The following GRAMD1B variants were observed in gnomAD, a reference collection of about 807,000 sequenced individuals.
GRAMD1B encodes the protein GRAM domain containing 1B.
Under a neutral mutation model 99.7 loss-of-function variants are expected in GRAMD1B, and 37 were observed. The observed-to-expected ratio is 0.37, with a 90% CI of 0.29 to 0.49. The LOEUF (loss-of-function observed/expected upper bound fraction) is 0.49, where lower values mean the gene tolerates loss of function less well. GRAMD1B is among the 20% of genes least tolerant of loss of function. The pLI is 0.98. For missense variants in GRAMD1B, 888 were observed against 1,009.2 expected (o/e 0.88, Z 1.63); for synonymous variants, 427 against 387.6 (o/e 1.10, Z -1.19).
In GRAMD1B at chr11:123,610,312, T is replaced by A; in HGVS notation, c.1893T>A (p.Arg631=). Residue 631 remains arginine, a synonymous_variant, in exon 14 of 20, where the codon CGT becomes CGA. Transcript: ENST00000635736. The surrounding 1 kb of genome is among the most constrained non-coding windows in gnomAD (Gnocchi z 4.1). ...CAATCAATCGCTACACGCTCACCCG[T>A]GTGGCTCGGAACAAGAGCCGACTCA... ...FYTINRYTLT[R]VARNKSRLRV... 6.2e-7 allele frequency: 1 copy of A among 1,614,002 alleles called. No individual in the cohort carries two copies.
chr11:123,443,086 T>G (rs907138582), intron 1 of GRAMD1B, among the ~76,000 whole-genome samples: 2 of 152,182 alleles, frequency 1.3e-5, no homozygotes, highest in African/African-American at 4.8e-5. Context: ...ATCCTGTGAC[T>G]AAGAATGCCT....
chr11:123,360,968 C>G (rs1946128752), intron 1 of GRAMD1B, among the ~76,000 whole-genome samples: 1 of 152,088 alleles, frequency 6.6e-6, no homozygotes, highest in Non-Finnish European at 1.5e-5. Context: ...AGGCGCCCAC[C>G]ACCATGCTCA....
At chr11:123,498,948 T>C (rs1939584271) in intron 2 of GRAMD1B, among the ~76,000 whole-genome samples, 2 of 152,088 alleles carry the variant, frequency 1.3e-5, no homozygotes, top group South Asian at 4.1e-4. Flanking sequence ...TAAATAAAAG[T>C]GCAAAATAAA....
intron 2 of GRAMD1B, among the ~76,000 whole-genome samples, chr11:123,499,215 A>C (rs912584600): frequency 2.6e-5 from 4 of 152,174 alleles, no homozygotes; most frequent in Admixed American, 2.0e-4. Flanking sequence ...TGGTGGCTTT[A>C]AAAGAAGAGG....
At chr11:123,589,771 C>T (rs1052630829) in intron 4 of GRAMD1B, among the ~76,000 whole-genome samples, 4 of 152,100 alleles carry the variant, frequency 2.6e-5, no homozygotes, top group South Asian at 2.1e-4. Context: ...CTGGAATCTA[C>T]GTTTTTACAT....
Position 123,430,718 on chromosome 11 carries a change from G to C in GRAMD1B, c.-75G>C. On this transcript the variant is annotated 5_prime_UTR_variant, in exon 1 of 20. Coordinates refer to ENST00000635736, the MANE Select transcript of GRAMD1B (RefSeq NM_001387025.1). ...GGGAGTGTGCCGCGGGGCCGAGGGT[G>C]GGGAACAGCCAGAGGGAGACGCGAA... The C allele has an allele frequency of 1.7e-6, 1 of 591,926 alleles. No homozygotes were observed. The highest frequency in any genetic ancestry group is 3.0e-6 in the Non-Finnish European group (1 of 335,636). The allele number at this position is 591,926 out of a possible 1,614,324, so 36.7% of individuals were successfully genotyped here.
intron 2 of GRAMD1B, among the ~76,000 whole-genome samples, chr11:123,548,452 C>T (rs192266324): frequency 6.6e-6 from 1 of 151,472 alleles, no homozygotes; most frequent in East Asian, 1.9e-4. Context: ...AGGCAACAGA[C>T]AGCACTTCCT....
intron 2 of GRAMD1B, among the ~76,000 whole-genome samples, chr11:123,531,986 C>T (rs1384771231): frequency 2.6e-5 from 4 of 152,266 alleles, no homozygotes; most frequent in Non-Finnish European, 5.9e-5. Context: ...ATCTGCCCAC[C>T]TCAGCCTCCC....
In GRAMD1B at chr11:123,549,458, C is replaced by T. The variant is rs531963200; in HGVS notation, c.453-27909C>T. Among the ~76,000 whole-genome samples, 5 of 152,096 alleles carry T rather than the reference C, an allele frequency of 3.3e-5. No homozygotes were observed. The South Asian group carries it at 8.3e-4, about 25-fold the overall frequency. On this transcript the variant is annotated intron_variant, in intron 2 of 19. Transcript: ENST00000635736. ...TCGGGAAGCTGAGGCAGGAGAACGG[C>T]GTGAACCTGGGAGGCAGAGCTTGCA...
intron 1 of GRAMD1B, among the ~76,000 whole-genome samples, chr11:123,367,248 G>C (rs944969107): frequency 6.6e-6 from 1 of 152,162 alleles, no homozygotes; most frequent in Non-Finnish European, 1.5e-5. Context: ...TGGGGATACA[G>C]ACTTGAATAA....
At chr11:123,619,438 A>G (rs150761358) in intron 19 of GRAMD1B, 1 of 1,355,792 alleles carries the variant, frequency 7.4e-7, no homozygotes, top group African/African-American at 1.5e-5. Context: ...GAACAATAAA[A>G]TGACCCACTG....
intron 2 of GRAMD1B, among the ~76,000 whole-genome samples, chr11:123,556,271 C>T (rs540143681): frequency 6.6e-6 from 1 of 152,298 alleles, no homozygotes; most frequent in East Asian, 1.9e-4. Context: ...TTTATGTAAA[C>T]TGTTTGGAGT....
intron 4 of GRAMD1B, among the ~76,000 whole-genome samples, chr11:123,589,614 T>TATATATATATATATATATATATATATATA (rs1555089174): frequency 2.7e-4 from 34 of 128,184 alleles, no homozygotes; most frequent in African/African-American, 1.1e-3. Flanking sequence ...TGGCTAATTT[T>TATATATATATATATATATATATATATATA]TATATATATA....
intron 1 of GRAMD1B, among the ~76,000 whole-genome samples, chr11:123,455,498 G>T (rs1161859337): frequency 6.6e-6 from 1 of 152,044 alleles, no homozygotes; most frequent in African/African-American, 2.4e-5. Context: ...CTGATGATAT[G>T]CATTCCACTC....
chr11:123,535,787 G>A lies in GRAMD1B; in HGVS notation c.453-41580G>A, dbSNP rs185334501. On this transcript the variant is annotated intron_variant, in intron 2 of 19. Transcript: ENST00000635736. The stretch of plus-strand genomic sequence containing the variant: ...TTAAGCATTAGAACATTGCCTATAC[G>A]TGTGAGGCCTTTTTTTTTCTCTTTT... Among the ~76,000 whole-genome samples the A allele has an allele frequency of 6.6e-3, 1,001 of 152,236 alleles. 8 individuals carry two copies. The highest frequency in any genetic ancestry group is 0.014 in the Middle Eastern group (4 of 294).
intron 7 of GRAMD1B, chr11:123,598,471 A>G (rs897891378): frequency 3.5e-5 from 37 of 1,055,934 alleles, no homozygotes; most frequent in Non-Finnish European, 4.8e-5. Flanking sequence ...ACGTATTCAT[A>G]GATTTGGGCT....
intron 1 of GRAMD1B, among the ~76,000 whole-genome samples, chr11:123,391,480 A>AGAGT (rs1324018203): frequency 6.6e-6 from 1 of 152,076 alleles, no homozygotes; most frequent in Admixed American, 6.6e-5. Flanking sequence ...TTTGAGAGAG[A>AGAGT]GAGTCTCGTT....
At chr11:123,594,038 C>A in intron 4 of GRAMD1B, 44 bp from the exon 5 acceptor site, 1 of 1,337,578 alleles carries the variant, frequency 7.5e-7, no homozygotes, top group Non-Finnish European at 1.1e-6. Context: ...CCTAACCCCA[C>A]AGAACCGGGG....
At chr11:123,514,720 C>A (rs535376433) in intron 2 of GRAMD1B, among the ~76,000 whole-genome samples, 1 of 152,344 alleles carries the variant, frequency 6.6e-6, no homozygotes, top group East Asian at 1.9e-4. Flanking sequence ...ACACTGCGAA[C>A]AGCTGAAGGA....
Sources: gnomAD v4.1 joint callset for allele counts (sites outside exome capture counted in the v4.1 genomes callset) on GRCh38, gnomAD v4.1.1 for gene constraint, Gnocchi (gnomAD v3.1) non-coding constraint, MANE v1.5 for transcripts, NCBI Gene and HGNC (gene_info 2026-07-23, HGNC 2026-07-21) for gene names.